MMRN1: variants seen among roughly 807,000 people sequenced by gnomAD.
The protein encoded by MMRN1 is multimerin 1, also known as multimerin-1.
A neutral mutation model predicts 100.7 loss-of-function variants in MMRN1; 94 were observed. The observed-to-expected ratio is 0.93, with a 90% CI of 0.79 to 1.11. The LOEUF is 1.11. MMRN1 is among the 50% of genes least tolerant of loss of function. The pLI, the probability that MMRN1 is intolerant of heterozygous loss-of-function variation, is 0.00. For missense variants in MMRN1, 1,606 were observed against 1,439.1 expected, an observed-to-expected ratio of 1.12 and a Z score of -1.88; for synonymous variants, 575 against 505.0, an observed-to-expected ratio of 1.14 and a Z score of -1.86.
Position 89,936,725 on chromosome 4 carries a change from G to A in MMRN1, c.3045G>A (p.Lys1015=). The A allele has an allele frequency of 6.2e-7, 1 of 1,613,222 alleles. No homozygotes were observed. The highest frequency in any genetic ancestry group is 8.5e-7 in the Non-Finnish European group (1 of 1,179,564). The change falls in exon 6 of 8, where the codon AAG becomes AAA. Residue 1015 remains lysine, a synonymous_variant. Coordinates refer to ENST00000264790, the MANE Select transcript of MMRN1 (RefSeq NM_007351.3). ...TGCCAAAGAAAATTAACGCACTTAAGAAACCAACGGTAAATCTTACCACAG... is the reference window on the plus strand; with the variant it reads ...TGCCAAAGAAAATTAACGCACTTAAAAAACCAACGGTAAATCTTACCACAG... The part of the protein sequence containing the change: ...KSLPKKINAL[K]KPTVNLTTVL...
intron 6 of MMRN1, among the ~76,000 whole-genome samples, chr4:89,940,735 T>G (rs1322478736): frequency 6.6e-6 from 1 of 152,142 alleles, no homozygotes; most frequent in East Asian, 1.9e-4. Flanking sequence ...AATCTGCAGA[T>G]AGTGTATTAA....
chr4:89,952,338 C>A (rs952312727), intron 7 of MMRN1, among the ~76,000 whole-genome samples: 4 of 152,064 alleles, frequency 2.6e-5, no homozygotes, highest in Non-Finnish European at 5.9e-5. Context: ...GATTTTTATA[C>A]AGAAATGTAT....
chr4:89,897,398 T>C (rs1331857816), intron 1 of MMRN1, among the ~76,000 whole-genome samples: 2 of 152,028 alleles, frequency 1.3e-5, no homozygotes, highest in Admixed American at 1.3e-4. Flanking sequence ...TTAGTAGAGA[T>C]GGGGTTTCAC....
In MMRN1 at chr4:89,894,894, G is replaced by A; in HGVS notation, c.-78G>A. ...AAAACTCAGTCTTAGCAGATTCAGT[G>A]TGGAAGCAGCTATCAAAAAGGCCAT... On this transcript the variant is annotated 5_prime_UTR_variant, in exon 1 of 8. In the 5' UTR this introduces an upstream ATG that the reference lacks. Coordinates refer to ENST00000264790, the MANE Select transcript of MMRN1 (RefSeq NM_007351.3). 1 of 1,529,722 alleles carries A rather than the reference G, an allele frequency of 6.5e-7. No individual in the cohort carries two copies. The highest frequency in any genetic ancestry group is 1.3e-5 in the South Asian group (1 of 75,632). The allele number at this position is 1,529,722 out of a possible 1,614,324, so 94.8% of individuals were successfully genotyped here.
chr4:89,940,501 C>T (rs1722789616), intron 6 of MMRN1, among the ~76,000 whole-genome samples: 1 of 151,790 alleles, frequency 6.6e-6, no homozygotes, highest in Non-Finnish European at 1.5e-5. Flanking sequence ...ATTTAACTGT[C>T]TTATATCACA....
intron 3 of MMRN1, among the ~76,000 whole-genome samples, chr4:89,919,747 C>T (rs770473587): frequency 2.6e-5 from 4 of 151,892 alleles, no homozygotes; most frequent in Admixed American, 6.6e-5. Context: ...TCAAGATACC[C>T]GAAACAAATG....
chr4:89,930,424 G>C (rs1220394088), intron 5 of MMRN1, among the ~76,000 whole-genome samples: 1 of 151,846 alleles, frequency 6.6e-6, no homozygotes, highest in African/African-American at 2.4e-5. Context: ...CTGAGTTTTT[G>C]CTTATTGTTT....
chr4:89,953,205 T>C lies in MMRN1; in HGVS notation c.3474T>C (p.Ile1158=). ...KYTIESFSAH[I]SGFLVVDGID... ...CCATCGAGTCATTTAGTGCTCATAT[T>C]TCTGGATTTTTAGTGGTTGATGGAA... The change falls in exon 8 of 8, where the codon ATT becomes ATC. Residue 1158 remains isoleucine, a synonymous_variant. Coordinates refer to ENST00000264790, the MANE Select transcript of MMRN1 (RefSeq NM_007351.3). The C allele has an allele frequency of 1.2e-6, 2 of 1,613,870 alleles. No homozygotes were observed. The highest frequency in any genetic ancestry group is 1.7e-5 in the Admixed American group (1 of 59,984).
In MMRN1 at chr4:89,951,715, A is replaced by G. The variant is rs577344792; in HGVS notation, c.3229A>G (p.Thr1077Ala). The G allele has an allele frequency of 1.2e-6, 2 of 1,612,686 alleles. No individual in the cohort carries two copies. The highest frequency in any genetic ancestry group is 4.5e-5 in the East Asian group (2 of 44,726). ...CRHPFTGDNCTIKLVEENALA... is the reference protein window; with the variant it reads ...CRHPFTGDNCAIKLVEENALA... ...ACATCCTTTTACTGGTGACAACTGC[A>G]CTATCAAGCTTGTGGAAGAAAATGC... The change falls in exon 7 of 8, where the codon ACT (threonine) becomes GCT (alanine). Residue 1077 changes from threonine to alanine, a missense_variant. By Grantham distance (58) the Thr-to-Ala change is moderately conservative. Transcript: ENST00000264790.
chr4:89,944,131 C>G (rs1178897159), intron 6 of MMRN1, among the ~76,000 whole-genome samples: 1 of 152,164 alleles, frequency 6.6e-6, no homozygotes, highest in Non-Finnish European at 1.5e-5. Context: ...AAACAACATA[C>G]CACAGCATAT....
intron 3 of MMRN1, 99 bp from the exon 4 acceptor site, chr4:89,923,069 G>A (rs1265795248): frequency 1.3e-5 from 12 of 942,732 alleles, no homozygotes; most frequent in Non-Finnish European, 1.7e-5. Context: ...GCTTCAGTAC[G>A]CGGGAAAATG....
At chr4:89,882,647 C>T (rs1323789294) in intron 1 of MMRN1, among the ~76,000 whole-genome samples, 1 of 151,796 alleles carries the variant, frequency 6.6e-6, no homozygotes, top group Admixed American at 6.6e-5. Context: ...ATGTTGTATT[C>T]AGTAAGCAAA....
intron 5 of MMRN1, among the ~76,000 whole-genome samples, chr4:89,929,960 G>A (rs115818810): frequency 7.2e-5 from 11 of 152,056 alleles, no homozygotes; most frequent in Non-Finnish European, 1.6e-4. Context: ...TACCTTAAGA[G>A]GTACCTAAAT....
chr4:89,901,353 C>A (rs181769512), intron 1 of MMRN1, among the ~76,000 whole-genome samples: 271 of 151,294 alleles, frequency 1.8e-3, no homozygotes, highest in Non-Finnish European at 3.0e-3. Context: ...AGTTTAATGA[C>A]AAATTAGAAA....
At chr4:89,930,203 A>G (rs1722393372) in intron 5 of MMRN1, among the ~76,000 whole-genome samples, 1 of 152,190 alleles carries the variant, frequency 6.6e-6, no homozygotes, top group African/African-American at 2.4e-5. Flanking sequence ...TTGTTTAGTA[A>G]CAAATTGTAG....
chr4:89,930,760 A>G (rs1053448397), intron 5 of MMRN1, among the ~76,000 whole-genome samples: 4 of 151,968 alleles, frequency 2.6e-5, no homozygotes, highest in African/African-American at 7.2e-5. Context: ...TTTTTGTAAG[A>G]CCAGAAATCG....
At chr4:89,916,089 A>T (rs1721904898) in intron 3 of MMRN1, among the ~76,000 whole-genome samples, 1 of 151,740 alleles carries the variant, frequency 6.6e-6, no homozygotes, top group Non-Finnish European at 1.5e-5. Flanking sequence ...CAGAGATCCT[A>T]TCAGCTCTTT....
intron 1 of MMRN1, among the ~76,000 whole-genome samples, chr4:89,881,897 A>T (rs187729798): frequency 1.3e-5 from 2 of 152,100 alleles, no homozygotes; most frequent in Admixed American, 1.3e-4. Context: ...ATGAATGTAA[A>T]TTGCTTTCTG....
At chr4:89,923,413 C>G in intron 4 of MMRN1, 141 bp downstream of exon 4, 1 of 785,614 alleles carries the variant, frequency 1.3e-6, no homozygotes, top group South Asian at 1.6e-5. Context: ...TCTACTGGTG[C>G]TGGATGTTGG....
Sources: allele counts gnomAD v4.1 joint callset (sites outside exome capture counted in the v4.1 genomes callset), GRCh38; gene constraint gnomAD v4.1.1; transcripts MANE v1.5; gene names NCBI Gene and HGNC (gene_info 2026-07-23, HGNC 2026-07-21).